Variants in WWC1 observed in about 807,000 individuals in gnomAD.
WWC1 encodes the protein WW and C2 domain containing 1, also known as protein KIBRA.
WWC1 carries 55 observed loss-of-function variants against 138.4 expected under a neutral mutation model. The ratio of observed to expected loss-of-function variants is 0.40; its 90% CI spans 0.32 to 0.50. WWC1 has a LOEUF of 0.50. Among genes scored for constraint, WWC1 ranks in the 20% least tolerant of loss-of-function variants. The pLI is 0.72. For synonymous variants in WWC1, 524 were observed against 564.9 expected, an observed-to-expected ratio of 0.93 and a Z score of 1.03; for missense variants, 1,226 against 1,420.4, an observed-to-expected ratio of 0.86 and a Z score of 2.20.
chr5:168,356,321 G>T (rs564664828), intron 1 of WWC1, among the ~76,000 whole-genome samples: 193 of 152,400 alleles, frequency 1.3e-3, no homozygotes, highest in Non-Finnish European at 1.9e-3. Context: ...TGCGGCCGGA[G>T]GCCCATGGAG....
intron 6 of WWC1, among the ~76,000 whole-genome samples, chr5:168,406,640 A>C (rs1779815228): frequency 6.6e-6 from 1 of 152,054 alleles, no homozygotes. Context: ...TTAAACTTTT[A>C]TTTTTTAATA....
chr5:168,355,119 T>C (rs1371734521), intron 1 of WWC1, among the ~76,000 whole-genome samples: 2 of 152,142 alleles, frequency 1.3e-5, no homozygotes, highest in African/African-American at 4.8e-5. Flanking sequence ...ACAGTCAACA[T>C]ATCAACACAC....
intron 19 of WWC1, among the ~76,000 whole-genome samples, chr5:168,458,387 G>A (rs1482294300): frequency 1.3e-5 from 2 of 152,098 alleles, no homozygotes; most frequent in African/African-American, 2.4e-5. Context: ...GGCCTCCTCG[G>A]GTCTGATCGT....
At position 168,469,935 on chromosome 5, in the gene WWC1, T is replaced by C. The variant is rs1392226739; in HGVS notation, c.*918T>C. On this transcript the variant is annotated 3_prime_UTR_variant, in exon 23 of 23. Coordinates refer to ENST00000265293, the MANE Select transcript of WWC1 (RefSeq NM_015238.3). ...TAAATTAAAATGACTGCTCGGCTCA[T>C]TGGGAATCCACATCCCCAAGTTAGA... is the stretch of plus-strand genomic sequence containing the variant. The C allele has an allele frequency of 6.6e-6, 1 of 152,172 alleles. No homozygotes were observed. Among genetic ancestry groups the C allele is most frequent in the Non-Finnish European group, 1.5e-5 (1 of 68,040 alleles). The allele number at this position is 152,172 out of a possible 1,614,324, so 9.4% of individuals were successfully genotyped here.
rs745666936 is a variant in WWC1 at position 168,454,049 on chromosome 5, T to G, written c.2607T>G (p.Asp869Glu). 1 of 1,612,266 alleles carries G rather than the reference T, an allele frequency of 6.2e-7. No individual in the cohort carries two copies. Among genetic ancestry groups the G allele is most frequent in the Non-Finnish European group, 8.5e-7 (1 of 1,179,546 alleles). Residue 869 changes from aspartate to glutamate, a missense_variant, in exon 18 of 23, where the codon GAT becomes GAG. By Grantham distance (45) the Asp-to-Glu change is conservative. Transcript: ENST00000265293. ...TGGAGGAGGAGGAGGGAGAAGAGGA[T>G]GTTTTCACCGAGAAAGCCTCACCTG... ...EEVEEEEGEE[D>E]VFTEKASPDM...
chr5:168,346,685 A>G (rs1209595139), intron 1 of WWC1, among the ~76,000 whole-genome samples: 1 of 152,218 alleles, frequency 6.6e-6, no homozygotes, highest in Non-Finnish European at 1.5e-5. Flanking sequence ...ATTAGTTAAA[A>G]AGTAAAAGCC....
At chr5:168,365,235 C>A (rs1776193718) in intron 1 of WWC1, among the ~76,000 whole-genome samples, 1 of 152,158 alleles carries the variant, frequency 6.6e-6, no homozygotes, top group Non-Finnish European at 1.5e-5. Flanking sequence ...CGGGAAGAAC[C>A]AGCCTGGCCA....
chr5:168,328,975 C>T (rs547157738), intron 1 of WWC1, among the ~76,000 whole-genome samples: 1 of 152,234 alleles, frequency 6.6e-6, no homozygotes, highest in Non-Finnish European at 1.5e-5. Context: ...CCCTCATCCA[C>T]CTGCAGTAAA....
At chr5:168,403,006 T>TTTCTTTCTCTC (rs1779430807) in intron 5 of WWC1, among the ~76,000 whole-genome samples, 5 of 105,608 alleles carry the variant, frequency 4.7e-5, no homozygotes, top group African/African-American at 1.8e-4. Context: ...TGTTGTTTCT[T>TTTCTTTCTCTC]TTTCTTTCTT....
intron 1 of WWC1, among the ~76,000 whole-genome samples, chr5:168,342,077 C>T (rs1003624093): frequency 2.0e-5 from 3 of 152,184 alleles, no homozygotes; most frequent in Admixed American, 6.5e-5. Flanking sequence ...AGGGCATCTT[C>T]AGGCACTGAA....
chr5:168,320,996 T>C (rs1772024322), intron 1 of WWC1, among the ~76,000 whole-genome samples: 1 of 152,130 alleles, frequency 6.6e-6, no homozygotes, highest in South Asian at 2.1e-4. Context: ...GAATGGCTCC[T>C]AATTGCCTTA....
At chr5:168,372,266 C>T (rs983037424) in intron 2 of WWC1, among the ~76,000 whole-genome samples, 5 of 151,808 alleles carry the variant, frequency 3.3e-5, no homozygotes, top group East Asian at 1.9e-4. Flanking sequence ...AATCCTCCAG[C>T]GGGGGAGAGT....
At chr5:168,456,491 C>A (rs932838307) in intron 19 of WWC1, among the ~76,000 whole-genome samples, 1 of 151,836 alleles carries the variant, frequency 6.6e-6, no homozygotes, top group Non-Finnish European at 1.5e-5. Flanking sequence ...AAAATTAGTG[C>A]ATGGTGGCAC....
intron 17 of WWC1, among the ~76,000 whole-genome samples, chr5:168,448,540 A>G (rs1457214178): frequency 6.6e-6 from 1 of 152,008 alleles, no homozygotes; most frequent in Non-Finnish European, 1.5e-5. Context: ...GCAGATGCTG[A>G]GAAGTGGCAT....
chr5:168,457,672 C>T (rs1167290496), intron 19 of WWC1, among the ~76,000 whole-genome samples: 1 of 152,182 alleles, frequency 6.6e-6, no homozygotes, highest in Non-Finnish European at 1.5e-5. Flanking sequence ...GCCAAAATCA[C>T]ACCACAAAGC....
intron 3 of WWC1, among the ~76,000 whole-genome samples, chr5:168,392,045 T>G (rs6892361): frequency 0.14 from 21,128 of 151,960 alleles, 1,593 homozygotes; most frequent in Non-Finnish European, 0.15. Flanking sequence ...CTAAGACAAT[T>G]AGACCATCAG....
intron 1 of WWC1, among the ~76,000 whole-genome samples, chr5:168,361,359 G>A (rs1775864477): frequency 6.6e-6 from 1 of 152,152 alleles, no homozygotes; most frequent in Non-Finnish European, 1.5e-5. Context: ...GTGGTGTGGG[G>A]CTTTTAGGAA....
chr5:168,302,928 G>A (rs1770226658), intron 1 of WWC1, among the ~76,000 whole-genome samples: 1 of 152,186 alleles, frequency 6.6e-6, no homozygotes, highest in African/African-American at 2.4e-5. Flanking sequence ...CCACCTGGAG[G>A]TCTTGTTAAA....
At chr5:168,359,272 T>C (rs1156726135) in intron 1 of WWC1, among the ~76,000 whole-genome samples, 2 of 152,164 alleles carry the variant, frequency 1.3e-5, no homozygotes, top group Non-Finnish European at 2.9e-5. Context: ...CGGGCTAGTG[T>C]TGCACTCCTG....
Sources: gnomAD v4.1 joint callset for allele counts (sites outside exome capture counted in the v4.1 genomes callset) on GRCh38, gnomAD v4.1.1 for gene constraint, MANE v1.5 for transcripts, NCBI Gene and HGNC (gene_info 2026-07-23, HGNC 2026-07-21) for gene names.